CHRDL1: variants seen among roughly 807,000 people sequenced by gnomAD.
CHRDL1 encodes the protein chordin like 1.
In CHRDL1, 19 loss-of-function variants were observed where a neutral mutation model predicts 40.9. The observed-to-expected ratio is 0.46, with a 90% confidence interval of 0.32 to 0.68. CHRDL1 has a LOEUF of 0.68. CHRDL1 is among the 30% of genes least tolerant of loss of function. The pLI, the probability that CHRDL1 is intolerant of heterozygous loss-of-function variation, is 0.03. For synonymous variants in CHRDL1, 136 were observed against 123.4 expected (o/e 1.10, Z -0.68); for missense variants, 329 against 352.1 (o/e 0.93, Z 0.53).
intron 6 of CHRDL1, among the ~76,000 whole-genome samples, chrX:110,701,695 T>TCC (rs911057721): frequency 9.0e-6 from 1 of 111,080 alleles, no homozygotes; most frequent in Non-Finnish European, 1.9e-5. Flanking sequence ...GCACCTGTAG[T>TCC]CCCAGCTACT....
At chrX:110,718,417 T>G (rs1020596112) in intron 6 of CHRDL1, among the ~76,000 whole-genome samples, 2 of 112,358 alleles carry the variant, frequency 1.8e-5, no homozygotes, top group African/African-American at 6.5e-5. Context: ...AGCTTCCCAA[T>G]GTATTAAAAA....
chrX:110,682,619 G>A (rs2069925418), intron 9 of CHRDL1, among the ~76,000 whole-genome samples: 1 of 112,382 alleles, frequency 8.9e-6, no homozygotes, highest in Admixed American at 9.4e-5. Flanking sequence ...ACCACTGAGT[G>A]TTGAGTGCTT....
chrX:110,733,931 C>CA (rs1172760631), intron 4 of CHRDL1, among the ~76,000 whole-genome samples: 1,280 of 12,055 alleles, frequency 0.11, 133 homozygotes, highest in Non-Finnish European at 0.16. Flanking sequence ...AACTCTGTCT[C>CA]AAAAAAAAAA....
At chrX:110,794,326 T>C (rs928143354) in intron 1 of CHRDL1, among the ~76,000 whole-genome samples, 40 of 112,191 alleles carry the variant, frequency 3.6e-4, no homozygotes, top group African/African-American at 1.3e-3. Flanking sequence ...ATTAACTCTC[T>C]GTCTGCTTCA....
intron 2 of CHRDL1, among the ~76,000 whole-genome samples, chrX:110,769,817 C>T (rs771417326): frequency 4.5e-5 from 5 of 111,888 alleles, no homozygotes; most frequent in Non-Finnish European, 7.5e-5. Context: ...GTTTCTCCCA[C>T]GACATGTGGT....
intron 6 of CHRDL1, 141 bp from the exon 7 acceptor site, chrX:110,700,862 G>T: frequency 2.4e-6 from 1 of 423,129 alleles, no homozygotes; most frequent in Non-Finnish European, 4.0e-6. Flanking sequence ...CCTTCAAAAA[G>T]CGGCTGTGAA....
intron 6 of CHRDL1, among the ~76,000 whole-genome samples, chrX:110,713,755 C>T (rs1187642670): frequency 8.9e-6 from 1 of 112,701 alleles, no homozygotes; most frequent in Admixed American, 9.4e-5. Context: ...TTGCCAGGAT[C>T]AAATGAGCTA....
At chrX:110,767,171 G>A (rs1008323569) in intron 2 of CHRDL1, among the ~76,000 whole-genome samples, 11 of 111,265 alleles carry the variant, frequency 9.9e-5, no homozygotes, top group African/African-American at 2.9e-4. Context: ...CAGCAAAATC[G>A]GCATACAAAG....
chrX:110,745,319 A>C (rs1237073389), intron 4 of CHRDL1, among the ~76,000 whole-genome samples: 4 of 111,662 alleles, frequency 3.6e-5, no homozygotes, highest in African/African-American at 1.3e-4. Flanking sequence ...ATCCAAGAAC[A>C]CTAAAGACAA....
intron 6 of CHRDL1, among the ~76,000 whole-genome samples, chrX:110,702,721 C>T (rs1376411284): frequency 8.9e-6 from 1 of 111,993 alleles, no homozygotes; most frequent in Non-Finnish European, 1.9e-5. Flanking sequence ...TTCCAACCCC[C>T]ATCTGATATT....
intron 6 of CHRDL1, among the ~76,000 whole-genome samples, chrX:110,704,869 C>T (rs990156309): frequency 9.0e-6 from 1 of 111,378 alleles, no homozygotes; most frequent in Non-Finnish European, 1.9e-5. Flanking sequence ...AGGGAGAAAA[C>T]AAGTTGCAAA....
chrX:110,794,515 A>G (rs2090152699), intron 1 of CHRDL1, among the ~76,000 whole-genome samples: 1 of 112,563 alleles, frequency 8.9e-6, no homozygotes, highest in South Asian at 3.7e-4. Flanking sequence ...CCTGTGTTTT[A>G]CAAGAGAAAG....
intron 2 of CHRDL1, among the ~76,000 whole-genome samples, chrX:110,782,662 C>T (rs1017788201): frequency 8.9e-6 from 1 of 112,574 alleles, no homozygotes; most frequent in Non-Finnish European, 1.9e-5. Flanking sequence ...TTTGTATTTA[C>T]ATCAGTGACA....
chrX:110,779,607 T>C (rs1181575737), intron 2 of CHRDL1, among the ~76,000 whole-genome samples: 2 of 111,667 alleles, frequency 1.8e-5, no homozygotes, highest in African/African-American at 6.5e-5. Flanking sequence ...CATAGCTTAA[T>C]AGTAAGTCTT....
rs2148509583 is a variant in CHRDL1, at chrX:110,762,686, A to G, written c.207+9T>C. 4.8e-6 allele frequency: 5 copies of G among 1,042,988 alleles called. No individual in the cohort carries two copies. In the East Asian group the frequency reaches 1.5e-4, roughly 32 times the overall value. 86.0% of individuals were successfully genotyped at this position (1,042,988 alleles called of 1,213,427 possible). A position where few individuals can be genotyped will look rare whatever the true frequency, so the allele number is the denominator to read the frequency against. ...AAACTGGGAAATCACATGTCATGAG[A>G]GATTGTACCTCTGAGCAGATGCAGT... On this transcript the variant is annotated intron_variant, in intron 3 of 11. Transcript: ENST00000372042.
At chrX:110,739,391 G>C (rs774928156) in intron 4 of CHRDL1, among the ~76,000 whole-genome samples, 3 of 112,201 alleles carry the variant, frequency 2.7e-5, no homozygotes, top group African/African-American at 9.7e-5. Context: ...ATGAGTTCCA[G>C]TCAATTGAAT....
At chrX:110,786,947 T>G in intron 2 of CHRDL1, among the ~76,000 whole-genome samples, 1 of 111,962 alleles carries the variant, frequency 8.9e-6, no homozygotes, top group East Asian at 2.8e-4. Context: ...GACAATGAAC[T>G]GACTTCCTCA....
chrX:110,785,374 A>G (rs771294565), intron 2 of CHRDL1, among the ~76,000 whole-genome samples: 2 of 111,957 alleles, frequency 1.8e-5, no homozygotes, highest in South Asian at 7.5e-4. Flanking sequence ...ATGTGTATAT[A>G]TGGACATACA....
intron 4 of CHRDL1, among the ~76,000 whole-genome samples, chrX:110,743,609 T>C: frequency 8.9e-6 from 1 of 112,088 alleles, no homozygotes; most frequent in Non-Finnish European, 1.9e-5. Flanking sequence ...GAAGCAAGCA[T>C]GGCCAGGACT....
Sources: allele counts gnomAD v4.1 joint callset (sites outside exome capture counted in the v4.1 genomes callset), GRCh38; gene constraint gnomAD v4.1.1; transcripts MANE v1.5; gene names NCBI Gene and HGNC (gene_info 2026-07-23, HGNC 2026-07-21).